ANTXR1: variants seen among roughly 807,000 people sequenced by gnomAD.
ANTXR1 encodes the protein ANTXR cell adhesion molecule 1.
Under a neutral mutation model 78.1 loss-of-function variants are expected in ANTXR1, and 19 were observed. That is an observed-to-expected ratio of 0.24 (90% CI 0.17 to 0.36). The LOEUF (loss-of-function observed/expected upper bound fraction) is 0.36, where lower values mean the gene tolerates loss of function less well. Ranked by LOEUF, ANTXR1 falls within the 10% of genes least tolerant of loss-of-function variation. The pLI is 1.00. For synonymous variants in ANTXR1, 273 were observed against 260.5 expected (o/e 1.05, Z -0.46); for missense variants, 518 against 718.6 (o/e 0.72, Z 3.19).
chr2:69,145,375 A>G, intron 12 of ANTXR1: 1 of 1,597,870 alleles, frequency 6.3e-7, no homozygotes, highest in Non-Finnish European at 8.5e-7. Flanking sequence ...TGCATGGAAT[A>G]GCAGAGAATA....
chr2:69,090,958 G>A, intron 9 of ANTXR1, 39 bp downstream of exon 9: 1 of 1,599,218 alleles, frequency 6.3e-7, no homozygotes. Context: ...TCATACAATT[G>A]ATGATATTTT....
intron 3 of ANTXR1, among the ~76,000 whole-genome samples, chr2:69,066,267 G>C (rs1670394311): frequency 6.6e-6 from 1 of 151,982 alleles, no homozygotes; most frequent in South Asian, 2.1e-4. Context: ...GACATTCTAT[G>C]TGTGTCCATC....
chr2:69,158,771 G>A (rs1167103170), intron 13 of ANTXR1, among the ~76,000 whole-genome samples: 1 of 152,172 alleles, frequency 6.6e-6, no homozygotes, highest in African/African-American at 2.4e-5. Flanking sequence ...TTTAAGGTTG[G>A]CTAGGCTAAG....
chr2:69,079,336 G>A (rs183448058), intron 8 of ANTXR1, among the ~76,000 whole-genome samples: 3 of 152,224 alleles, frequency 2.0e-5, no homozygotes, highest in Non-Finnish European at 2.9e-5. Flanking sequence ...AGGACTGGGG[G>A]CCGATCATGG....
chr2:69,128,976 G>A (rs1158411482), intron 12 of ANTXR1, among the ~76,000 whole-genome samples: 2 of 152,198 alleles, frequency 1.3e-5, no homozygotes, highest in Admixed American at 6.5e-5. Context: ...ACTGTTGCCT[G>A]AGCCAGAAGC....
chr2:69,112,010 G>A (rs768594226), intron 10 of ANTXR1, among the ~76,000 whole-genome samples: 17 of 152,258 alleles, frequency 1.1e-4, no homozygotes, highest in Admixed American at 2.6e-4. Flanking sequence ...GGCACTTAAC[G>A]CAATCTCGAT....
At chr2:69,082,188 C>G (rs887281095) in intron 8 of ANTXR1, among the ~76,000 whole-genome samples, 2 of 152,166 alleles carry the variant, frequency 1.3e-5, no homozygotes, top group Non-Finnish European at 2.9e-5. Flanking sequence ...CACTTTGCCT[C>G]TTACTACCAG....
At chr2:69,067,887 C>G (rs1235797967) in intron 3 of ANTXR1, among the ~76,000 whole-genome samples, 1 of 152,014 alleles carries the variant, frequency 6.6e-6, no homozygotes, top group Non-Finnish European at 1.5e-5. Context: ...TTTCTCATTA[C>G]CAAACAACAG....
At chr2:69,145,391 T>C (rs1673194150) in intron 12 of ANTXR1, 1 of 1,589,792 alleles carries the variant, frequency 6.3e-7, no homozygotes, top group South Asian at 1.2e-5. Context: ...GAATACCGCC[T>C]GCTCCCTCCG....
chr2:69,198,179 G>T (rs1016855780), intron 17 of ANTXR1, among the ~76,000 whole-genome samples: 3 of 152,124 alleles, frequency 2.0e-5, no homozygotes, highest in African/African-American at 4.8e-5. Flanking sequence ...TTAAAGCTTT[G>T]ATACAAATGG....
At chr2:69,113,412 C>A (rs968526806) in intron 10 of ANTXR1, among the ~76,000 whole-genome samples, 4 of 152,350 alleles carry the variant, frequency 2.6e-5, no homozygotes, top group Middle Eastern at 3.4e-3. Context: ...TCCCTTCAAA[C>A]TGACATTCTT....
chr2:69,140,866 TACTGCCCC>T (rs925049549), intron 12 of ANTXR1, among the ~76,000 whole-genome samples: 1 of 152,250 alleles, frequency 6.6e-6, no homozygotes, highest in Non-Finnish European at 1.5e-5. Context: ...ACTTTTTCTA[TACTGCCCC>T]ACTTTGGGTT....
intron 3 of ANTXR1, among the ~76,000 whole-genome samples, chr2:69,050,596 A>T (rs967947655): frequency 2.9e-5 from 4 of 137,432 alleles, no homozygotes; most frequent in African/African-American, 3.6e-5. Context: ...TCAAAGTTTG[A>T]TATAACTCAG....
intron 17 of ANTXR1, among the ~76,000 whole-genome samples, chr2:69,223,739 T>A (rs973307024): frequency 1.3e-5 from 2 of 152,154 alleles, no homozygotes; most frequent in Admixed American, 1.3e-4. Flanking sequence ...ATTCTTTAAA[T>A]CAGAATAATC....
chr2:69,110,820 C>CAG (rs1397574794), intron 10 of ANTXR1, among the ~76,000 whole-genome samples: 22 of 151,994 alleles, frequency 1.4e-4, no homozygotes, highest in Non-Finnish European at 8.8e-5. Context: ...CAAGATTGGG[C>CAG]CACTGCATTC....
At chr2:69,155,386 G>A (rs562206370) in intron 13 of ANTXR1, among the ~76,000 whole-genome samples, 11 of 152,118 alleles carry the variant, frequency 7.2e-5, no homozygotes, top group Middle Eastern at 6.8e-3. Context: ...GGGCTTATTC[G>A]CATTTTCAAA....
chr2:69,211,088 A>T (rs1216851594), intron 17 of ANTXR1, among the ~76,000 whole-genome samples: 1 of 152,156 alleles, frequency 6.6e-6, no homozygotes, highest in East Asian at 1.9e-4. Flanking sequence ...AGGAGGTGTT[A>T]CCTAAGATTT....
chr2:69,170,238 T>C lies in ANTXR1; in HGVS notation c.1048-10T>C, dbSNP rs1364585773. On this transcript the variant is annotated splice_polypyrimidine_tract_variant and intron_variant, in intron 13 of 17. Transcript: ENST00000303714. ...ATTTTTCACTGACCTGTTCTCTGTT[T>C]TCTTTTCAGATTATCAAGGAGGTCC... The C allele has an allele frequency of 1.9e-5, 30 of 1,614,188 alleles. No homozygotes were observed. Among genetic ancestry groups the C allele is most frequent in the Non-Finnish European group, 2.5e-5 (30 of 1,180,004 alleles).
chr2:69,113,663 G>A (rs762447426), intron 10 of ANTXR1, among the ~76,000 whole-genome samples: 3 of 152,182 alleles, frequency 2.0e-5, no homozygotes, highest in Non-Finnish European at 4.4e-5. Context: ...CCATGAGTGT[G>A]TGGAAGGCTT....
Sources: allele counts gnomAD v4.1 joint callset (sites outside exome capture counted in the v4.1 genomes callset), GRCh38; gene constraint gnomAD v4.1.1; transcripts MANE v1.5; gene names NCBI Gene and HGNC (gene_info 2026-07-23, HGNC 2026-07-21).